Variants in DSCAM observed in about 807,000 individuals in gnomAD.
DSCAM encodes the protein cell adhesion molecule DSCAM.
DSCAM carries 47 observed loss-of-function variants against 217.7 expected under a neutral mutation model. The observed-to-expected ratio is 0.22, with a 90% CI of 0.17 to 0.28. The LOEUF (loss-of-function observed/expected upper bound fraction) is 0.28. Among genes scored for constraint, DSCAM ranks in the 10% least tolerant of loss-of-function variants. The pLI, the probability that DSCAM is intolerant of heterozygous loss-of-function variation, is 1.00. For missense variants in DSCAM, 2,080 were observed against 2,618.3 expected, an observed-to-expected ratio of 0.79 and a Z score of 4.49; for synonymous variants, 1,056 against 1,015.3, an observed-to-expected ratio of 1.04 and a Z score of -0.76.
chr21:40,178,323 C>A (rs1174467957), intron 15 of DSCAM, among the ~76,000 whole-genome samples: 1 of 152,138 alleles, frequency 6.6e-6, no homozygotes, highest in Non-Finnish European at 1.5e-5. Flanking sequence ...CCTGGGTTAG[C>A]TCTCAGTGGG....
intron 3 of DSCAM, among the ~76,000 whole-genome samples, chr21:40,672,785 G>C (rs999080699): frequency 1.3e-5 from 2 of 152,088 alleles, no homozygotes; most frequent in Non-Finnish European, 2.9e-5. Flanking sequence ...CTTGATGACT[G>C]TCTTTCTCTC....
intron 1 of DSCAM, among the ~76,000 whole-genome samples, chr21:40,739,597 C>A (rs564196380): frequency 5.5e-4 from 83 of 152,276 alleles, no homozygotes; most frequent in African/African-American, 2.0e-3. Flanking sequence ...TAGAGCCAAA[C>A]TTAATGACAT....
At chr21:40,195,375 G>A (rs564610954) in intron 11 of DSCAM, among the ~76,000 whole-genome samples, 1 of 152,238 alleles carries the variant, frequency 6.6e-6, no homozygotes, top group East Asian at 1.9e-4. Flanking sequence ...AAGAAAACAG[G>A]AGAAAGTACC....
chr21:40,549,687 A>G (rs1216356153), intron 3 of DSCAM, among the ~76,000 whole-genome samples: 3 of 152,248 alleles, frequency 2.0e-5, no homozygotes, highest in Non-Finnish European at 2.9e-5. Flanking sequence ...GGGACAAGTC[A>G]TACTTCAGCT....
chr21:40,578,944 G>A lies in DSCAM; in HGVS notation c.508+113866C>T, dbSNP rs566891471. Among the ~76,000 whole-genome samples the A allele has an allele frequency of 6.6e-5, 10 of 152,300 alleles. No individual in the cohort carries two copies. The East Asian group carries it at 1.9e-3, about 29-fold the overall frequency. Reference sequence around the variant, plus strand: ...GTTCCAGAAACATAGTGTGGATGAAGATGAAAGATGTATAATACAACTTGA... The same window carrying A: ...GTTCCAGAAACATAGTGTGGATGAAAATGAAAGATGTATAATACAACTTGA... On this transcript the variant is annotated intron_variant, in intron 3 of 32. Transcript: ENST00000400454.
chr21:40,537,014 G>A (rs772129765), intron 3 of DSCAM, among the ~76,000 whole-genome samples: 11 of 151,970 alleles, frequency 7.2e-5, no homozygotes, highest in South Asian at 6.3e-4. Context: ...CAAACTTTCC[G>A]GATGAAAAGG....
chr21:40,141,354 C>T (rs1319037114), intron 18 of DSCAM, among the ~76,000 whole-genome samples: 1 of 152,176 alleles, frequency 6.6e-6, no homozygotes, highest in African/African-American at 2.4e-5. Context: ...GTGGGTCACG[C>T]CTGTAATCCC....
At chr21:40,174,601 G>A (rs1232691920) in intron 15 of DSCAM, among the ~76,000 whole-genome samples, 3 of 150,514 alleles carry the variant, frequency 2.0e-5, no homozygotes, top group South Asian at 2.1e-4. Context: ...TTGGCTCACC[G>A]ACTGTAGTTT....
At chr21:40,782,936 A>G (rs2091561827) in intron 1 of DSCAM, among the ~76,000 whole-genome samples, 2 of 152,230 alleles carry the variant, frequency 1.3e-5, no homozygotes, top group Admixed American at 1.3e-4. Context: ...CCTGAGGCGG[A>G]TCACATAGGG....
chr21:40,107,967 C>G (rs1259573071), intron 20 of DSCAM, among the ~76,000 whole-genome samples: 1 of 152,134 alleles, frequency 6.6e-6, no homozygotes, highest in Non-Finnish European at 1.5e-5. Flanking sequence ...AACATCCATT[C>G]ATGTTAAAAA....
chr21:40,055,209 G>A (rs1047505200), intron 29 of DSCAM, among the ~76,000 whole-genome samples: 1 of 152,166 alleles, frequency 6.6e-6, no homozygotes, highest in Non-Finnish European at 1.5e-5. Flanking sequence ...GGAAACAGCT[G>A]CAGGATGTTT....
intron 11 of DSCAM, among the ~76,000 whole-genome samples, chr21:40,272,507 G>A (rs1157047594): frequency 4.6e-5 from 7 of 152,178 alleles, no homozygotes; most frequent in African/African-American, 1.7e-4. Flanking sequence ...TGTGGTGGGT[G>A]TTTATTGTTA....
chr21:40,290,221 G>A (rs1163979472), intron 10 of DSCAM, among the ~76,000 whole-genome samples: 1 of 152,082 alleles, frequency 6.6e-6, no homozygotes, highest in African/African-American at 2.4e-5. Context: ...TACAATTCAT[G>A]GGAAAAATAT....
chr21:40,267,555 A>T (rs1320203438), intron 11 of DSCAM, among the ~76,000 whole-genome samples: 1 of 152,204 alleles, frequency 6.6e-6, no homozygotes. Context: ...GATGTGGTCC[A>T]TCACTGACCA....
At chr21:40,762,201 G>T (rs966862867) in intron 1 of DSCAM, among the ~76,000 whole-genome samples, 1 of 151,864 alleles carries the variant, frequency 6.6e-6, no homozygotes, top group South Asian at 2.1e-4. Flanking sequence ...TAACAAAATA[G>T]ATAGACCACT....
At chr21:40,156,288 A>AGG (rs1491176338) in intron 16 of DSCAM, among the ~76,000 whole-genome samples, 7 of 7,840 alleles carry the variant, frequency 8.9e-4, no homozygotes, top group African/African-American at 8.6e-3. Context: ...AAACTAAGAC[A>AGG]GAGAGAGAGA....
chr21:40,779,742 CGGG>C (rs386818729), intron 1 of DSCAM, among the ~76,000 whole-genome samples: 38,209 of 151,500 alleles, frequency 0.25, 5,673 homozygotes, highest in South Asian at 0.33. Context: ...GAGGGACAGC[CGGG>C]CCTGGCAAAG....
chr21:40,427,157 T>TG (rs1275211298), intron 3 of DSCAM, among the ~76,000 whole-genome samples: 2 of 152,214 alleles, frequency 1.3e-5, no homozygotes, highest in Non-Finnish European at 2.9e-5. Flanking sequence ...GTGGCCCAGC[T>TG]GACTGCTGCT....
intron 29 of DSCAM, among the ~76,000 whole-genome samples, chr21:40,053,758 G>A (rs555235721): frequency 8.4e-4 from 128 of 152,216 alleles, no homozygotes; most frequent in African/African-American, 2.9e-3. Context: ...TCTGGCGAAC[G>A]GTCATATTTA....
Sources: allele counts gnomAD v4.1 joint callset (sites outside exome capture counted in the v4.1 genomes callset), GRCh38; gene constraint gnomAD v4.1.1; transcripts MANE v1.5; gene names NCBI Gene and HGNC (gene_info 2026-07-23, HGNC 2026-07-21).